The following FNBP4 variants were observed in gnomAD, a reference collection of about 807,000 sequenced individuals.
FNBP4 encodes formin-binding protein 4.
A neutral mutation model predicts 119.3 loss-of-function variants in FNBP4; 34 were observed. The ratio of observed to expected loss-of-function variants is 0.28; its 90% CI spans 0.22 to 0.38. The LOEUF (loss-of-function observed/expected upper bound fraction) is 0.38. FNBP4 is among the 10% of genes least tolerant of loss of function. The pLI, the probability that FNBP4 is intolerant of heterozygous loss-of-function variation, is 1.00. For missense variants in FNBP4, 1,112 were observed against 1,228.9 expected (o/e 0.90, Z 1.42); for synonymous variants, 462 against 430.6 (o/e 1.07, Z -0.90).
chr11:47,753,197 G>T, intron 3 of FNBP4, 95 bp from the exon 4 acceptor site: 2 of 965,974 alleles, frequency 2.1e-6, no homozygotes, highest in Non-Finnish European at 3.0e-6. Context: ...TACATGAGCC[G>T]GGCACAGTGG....
intron 16 of FNBP4, among the ~76,000 whole-genome samples, chr11:47,718,270 G>C (rs1457792481): frequency 6.6e-6 from 1 of 151,206 alleles, no homozygotes; most frequent in Non-Finnish European, 1.5e-5. Flanking sequence ...CTGGAGTGCA[G>C]TGGCACAATC....
Position 47,723,165 on chromosome 11 carries a change from C to G in FNBP4, c.2616G>C (p.Met872Ile). ...TTGGGACAGAACATTCTGCATAACTCATAATTGCAGGTGCTGCCGCTAGTC... is the reference window on the plus strand; with the variant it reads ...TTGGGACAGAACATTCTGCATAACTGATAATTGCAGGTGCTGCCGCTAGTC... ...YLGLAAAPAI[M>I]SYAECSVPIG... The change falls in exon 15 of 17, where the codon ATG (methionine) becomes ATC (isoleucine). Residue 872 changes from methionine (M) to isoleucine (I), a missense_variant. By Grantham distance (10) the Met-to-Ile change is conservative (BLOSUM62 1). Transcript: ENST00000263773. 1 of 1,614,088 alleles carries G rather than the reference C, an allele frequency of 6.2e-7. No individual in the cohort carries two copies. The highest frequency in any genetic ancestry group is 8.5e-7 in the Non-Finnish European group (1 of 1,180,026).
At position 47,767,321 on chromosome 11, in the gene FNBP4, C is replaced by G. The variant is rs548089283; in HGVS notation, c.-33G>C. On this transcript the variant is annotated 5_prime_UTR_variant, in exon 1 of 17. Coordinates refer to ENST00000263773, the MANE Select transcript of FNBP4 (RefSeq NM_015308.5). ...CCAAGCGCGAGCAGAGAGCGTCGGG[C>G]GGCCGAGAGGGGCGGGCACTGGAGG... 1 of 1,449,658 alleles carries G rather than the reference C, an allele frequency of 6.9e-7. No individual in the cohort carries two copies. Among genetic ancestry groups the G allele is most frequent in the South Asian group, 1.4e-5 (1 of 71,878 alleles). 89.8% of individuals were successfully genotyped at this position (1,449,658 alleles called of 1,614,324 possible).
At chr11:47,751,604 G>T (rs943385218) in intron 4 of FNBP4, among the ~76,000 whole-genome samples, 2 of 152,028 alleles carry the variant, frequency 1.3e-5, no homozygotes, top group Admixed American at 1.3e-4. Context: ...CTAACACCAA[G>T]AATTATTTTC....
intron 2 of FNBP4, among the ~76,000 whole-genome samples, chr11:47,763,235 G>T (rs868731144): frequency 1.3e-5 from 2 of 151,996 alleles, no homozygotes; most frequent in Middle Eastern, 3.4e-3. Context: ...AGTCCAAGGC[G>T]GGTGGATCAC....
At chr11:47,756,337 A>C (rs1484165709) in intron 2 of FNBP4, among the ~76,000 whole-genome samples, 2 of 152,180 alleles carry the variant, frequency 1.3e-5, no homozygotes, top group Admixed American at 1.3e-4. Context: ...CAGCGCTGAC[A>C]CATTCTACGC....
intron 9 of FNBP4, among the ~76,000 whole-genome samples, chr11:47,734,754 C>T (rs2097571663): frequency 6.6e-6 from 1 of 151,912 alleles, no homozygotes; most frequent in African/African-American, 2.4e-5. Context: ...GCAGGTGGAT[C>T]ACAAGGTCAA....
At chr11:47,724,865 T>G in intron 12 of FNBP4, 87 bp from the exon 13 acceptor site, 1 of 1,476,948 alleles carries the variant, frequency 6.8e-7, no homozygotes, top group Admixed American at 2.5e-5. Context: ...GTCAGTAAGA[T>G]AATCATTTAT....
chr11:47,760,878 T>C (rs541693405), intron 2 of FNBP4, among the ~76,000 whole-genome samples: 1 of 152,302 alleles, frequency 6.6e-6, no homozygotes, highest in South Asian at 2.1e-4. Flanking sequence ...ATATCTTAAG[T>C]GAAATTTGGC....
At chr11:47,731,981 A>G in intron 11 of FNBP4, 3 of 994,578 alleles carry the variant, frequency 3.0e-6, no homozygotes, top group Non-Finnish European at 3.6e-6. Flanking sequence ...CACATTTCAT[A>G]TTCTTGATAT....
intron 3 of FNBP4, 44 bp downstream of exon 3, chr11:47,754,484 A>C (rs1037654000): frequency 6.2e-7 from 1 of 1,600,752 alleles, no homozygotes; most frequent in Non-Finnish European, 8.5e-7. Context: ...CCAGGTCCCA[A>C]AGTAGCTTCA....
Position 47,720,016 on chromosome 11 carries a change from T to C in FNBP4, c.2876A>G (p.Glu959Gly), listed in dbSNP as rs774664561. The change falls in exon 16 of 17, where the codon GAA becomes GGA. Residue 959 changes from glutamate to glycine, a missense_variant. Around this residue, in one of 2 missense-constraint regions of FNBP4, gnomAD observed 826 missense variants for 988.8 expected, o/e 0.84. Coordinates refer to ENST00000263773, the MANE Select transcript of FNBP4 (RefSeq NM_015308.5). ...TTCACTGGAACTAGAATTGTCCTCT[T>C]CATCTAACTCACGCTGGATACTCTG... ...KWQSIQRELDEEDNSSSSEED... is the reference protein window; with the variant it reads ...KWQSIQRELDGEDNSSSSEED... 7.4e-6 allele frequency: 12 copies of C among 1,614,114 alleles called. No individual in the cohort carries two copies. The highest frequency in any genetic ancestry group is 9.3e-6 in the Non-Finnish European group (11 of 1,179,996).
chr11:47,751,115 G>A (rs2097602568), intron 5 of FNBP4, 28 bp downstream of exon 5: 1 of 1,613,352 alleles, frequency 6.2e-7, no homozygotes, highest in African/African-American at 1.3e-5. Context: ...TTCCTTCTAG[G>A]CAATTTCACT....
intron 8 of FNBP4, 180 bp downstream of exon 8, chr11:47,743,773 C>A (rs1273294749): frequency 9.8e-6 from 6 of 613,554 alleles, no homozygotes; most frequent in Non-Finnish European, 1.4e-5. Context: ...GGCTCTTACT[C>A]CTCTACTAGA....
intron 3 of FNBP4, 66 bp from the exon 4 acceptor site, chr11:47,753,168 A>T: frequency 7.3e-7 from 1 of 1,363,956 alleles, no homozygotes; most frequent in South Asian, 1.4e-5. Context: ...AGGAAATGGC[A>T]ATCACTTTTT....
intron 6 of FNBP4, among the ~76,000 whole-genome samples, chr11:47,748,242 GA>G (rs1167960485): frequency 2.4e-3 from 314 of 129,876 alleles, no homozygotes; most frequent in South Asian, 5.7e-3. Flanking sequence ...AGGTCTCAAA[GA>G]AAAAAAAAAT....
intron 3 of FNBP4, among the ~76,000 whole-genome samples, chr11:47,753,957 C>A (rs1003490298): frequency 6.6e-6 from 1 of 152,186 alleles, no homozygotes; most frequent in Admixed American, 6.6e-5. Flanking sequence ...GTAATCCCAA[C>A]ACTTTGGAAG....
chr11:47,748,562 G>C (rs1448195163), intron 6 of FNBP4, among the ~76,000 whole-genome samples: 1 of 151,716 alleles, frequency 6.6e-6, no homozygotes, highest in Non-Finnish European at 1.5e-5. Context: ...GTAGAGATGG[G>C]GTTGATCTTG....
chr11:47,748,384 A>C (rs7932703), intron 6 of FNBP4, among the ~76,000 whole-genome samples: 52,491 of 151,606 alleles, frequency 0.35, 10,540 homozygotes, highest in South Asian at 0.52. Context: ...TGTAACTGTA[A>C]ATTTAAGTTA....
Sources: allele counts gnomAD v4.1 joint callset (sites outside exome capture counted in the v4.1 genomes callset), GRCh38; gene constraint gnomAD v4.1.1; regional missense constraint gnomAD v4.1.1; transcripts MANE v1.5; gene names NCBI Gene and HGNC (gene_info 2026-07-23, HGNC 2026-07-21).